Variants in CTDSP2 observed in about 807,000 individuals in gnomAD.
CTDSP2 encodes CTD small phosphatase 2.
Under a neutral mutation model 31.6 loss-of-function variants are expected in CTDSP2, and 9 were observed. That is an observed-to-expected ratio of 0.28 (90% CI 0.17 to 0.50). The LOEUF (loss-of-function observed/expected upper bound fraction) is 0.50. Ranked by LOEUF, CTDSP2 falls within the 20% of genes least tolerant of loss-of-function variation. The pLI is 0.98. For missense variants in CTDSP2, 267 were observed against 348.5 expected, an observed-to-expected ratio of 0.77 and a Z score of 1.86; for synonymous variants, 134 against 134.5, an observed-to-expected ratio of 1.00 and a Z score of 0.03.
intron 1 of CTDSP2, among the ~76,000 whole-genome samples, chr12:57,845,079 A>C (rs1956306181): frequency 6.6e-6 from 1 of 152,104 alleles, no homozygotes; most frequent in South Asian, 2.1e-4. Flanking sequence ...GGGGCGCACG[A>C]GGCCCCGAAG....
chr12:57,824,822 G>C (rs751772248), intron 5 of CTDSP2: 2 of 373,724 alleles, frequency 5.4e-6, no homozygotes, highest in Non-Finnish European at 1.1e-5. Flanking sequence ...ACCCTGCCGA[G>C]TCTTGCTCTG....
chr12:57,831,342 A>T lies in CTDSP2; in HGVS notation c.65-1746T>A, dbSNP rs1355851044. On this transcript the variant is annotated intron_variant, in intron 1 of 7. Coordinates refer to ENST00000398073, the MANE Select transcript of CTDSP2 (RefSeq NM_005730.4). ...GTGGCACGCGCTTGTAATCCCAGCC[A>T]CTTGGGAGGCTGAGGCAGGAGAACT... Among the ~76,000 whole-genome samples, 6 of 151,804 alleles carry T rather than the reference A, an allele frequency of 4.0e-5. No homozygotes were observed. The East Asian group carries it at 9.8e-4, about 25-fold the overall frequency.
intron 5 of CTDSP2, 62 bp downstream of exon 5, chr12:57,826,284 A>G: frequency 6.8e-7 from 1 of 1,472,196 alleles, no homozygotes; most frequent in Non-Finnish European, 9.5e-7. Flanking sequence ...ACCCCAGTAC[A>G]GGTGAGGCAG....
At chr12:57,835,530 A>G (rs746226597) in intron 1 of CTDSP2, among the ~76,000 whole-genome samples, 2 of 152,184 alleles carry the variant, frequency 1.3e-5, no homozygotes, top group Non-Finnish European at 2.9e-5. Flanking sequence ...ATGTAGCCCA[A>G]CTACGAGCTG....
chr12:57,845,734 G>C (rs1253666709), intron 1 of CTDSP2, among the ~76,000 whole-genome samples: 1 of 152,116 alleles, frequency 6.6e-6, no homozygotes, highest in African/African-American at 2.4e-5. Context: ...GCAGCCGGGA[G>C]GGAGCCCGAC....
rs549470608 is a variant in CTDSP2 at position 57,836,420 on chromosome 12, G to A, written c.65-6824C>T. Among the ~76,000 whole-genome samples the A allele has an allele frequency of 3.5e-4, 53 of 152,284 alleles. 1 individual carries two copies. The highest frequency in any genetic ancestry group is 1.2e-3 in the Admixed American group (18 of 15,284). ...CAAGCCTGTAATCCCAGCACTTTGG[G>A]AAGCTGGGCCGGTTGGATCACTGCA... On this transcript the variant is annotated intron_variant, in intron 1 of 7. Coordinates refer to ENST00000398073, the MANE Select transcript of CTDSP2 (RefSeq NM_005730.4).
Position 57,824,084 on chromosome 12 carries a change from G to A in CTDSP2, c.510C>T (p.Ala170=), listed in dbSNP as rs761335371. 13 of 1,613,736 alleles carry A rather than the reference G, an allele frequency of 8.1e-6. No individual in the cohort carries two copies. Among genetic ancestry groups the A allele is most frequent in the South Asian group, 4.4e-5 (4 of 91,060 alleles). ...VLFTASLAKY[A]DPVTDLLDRC... ...GGTCCAGCAGGTCTGTCACAGGGTC[G>A]GCATACTAGGAGGAGAGAAGATGCC... Residue 170 remains alanine, a synonymous_variant, in exon 7 of 8, where the codon GCC becomes GCT. Transcript: ENST00000398073.
At chr12:57,841,685 C>T (rs1296197079) in intron 1 of CTDSP2, among the ~76,000 whole-genome samples, 1 of 152,158 alleles carries the variant, frequency 6.6e-6, no homozygotes, top group Non-Finnish European at 1.5e-5. Flanking sequence ...CCCAAGCCCC[C>T]ACAATCAGTG....
intron 1 of CTDSP2, among the ~76,000 whole-genome samples, chr12:57,834,478 C>T (rs1293637233): frequency 6.6e-6 from 1 of 152,210 alleles, no homozygotes; most frequent in Non-Finnish European, 1.5e-5. Context: ...ACCCCCACCC[C>T]TGCCTGCACC....
chr12:57,827,270 T>TC (rs1956188784), intron 3 of CTDSP2, 173 bp from the exon 4 acceptor site: 1 of 634,666 alleles, frequency 1.6e-6, no homozygotes, highest in Admixed American at 2.6e-5. Context: ...GGTTTCAGCC[T>TC]CCCAGTGGGA....
chr12:57,824,160 G>A, intron 6 of CTDSP2, 67 bp downstream of exon 6: 1 of 1,609,282 alleles, frequency 6.2e-7, no homozygotes, highest in Non-Finnish European at 8.5e-7. Flanking sequence ...GGACCAAAAG[G>A]GAGCTGCTGG....
rs996672450 is a variant in CTDSP2, at chr12:57,823,271, A to G, written c.*331T>C. The G allele has an allele frequency of 2.0e-5, 7 of 348,648 alleles. No individual in the cohort carries two copies. The Admixed American group carries it at 2.3e-4, about 12-fold the overall frequency. 21.6% of individuals were successfully genotyped at this position (348,648 alleles called of 1,614,324 possible). A position where few individuals can be genotyped will look rare whatever the true frequency, so the allele number is the denominator to read the frequency against. On this transcript the variant is annotated 3_prime_UTR_variant, in exon 8 of 8. Transcript: ENST00000398073. ...AGGGTGACAGGAGAGGAGACAAGCT[A>G]ACTTGGGAAGAGTCTTGGTCTTTCA...
At chr12:57,839,164 C>T (rs1956265892) in intron 1 of CTDSP2, among the ~76,000 whole-genome samples, 1 of 152,186 alleles carries the variant, frequency 6.6e-6, no homozygotes, top group East Asian at 1.9e-4. Context: ...CTGCTGCTCC[C>T]CCCACACCCC....
chr12:57,827,219 C>A, intron 3 of CTDSP2, 122 bp from the exon 4 acceptor site: 1 of 698,988 alleles, frequency 1.4e-6, no homozygotes, highest in Non-Finnish European at 2.5e-6. Flanking sequence ...GGATAGGCAC[C>A]ACTTAAAGGC....
At chr12:57,834,119 G>A (rs1185459133) in intron 1 of CTDSP2, among the ~76,000 whole-genome samples, 1 of 152,106 alleles carries the variant, frequency 6.6e-6, no homozygotes, top group Non-Finnish European at 1.5e-5. Context: ...ATTTACTTAT[G>A]CAACAAATGG....
chr12:57,824,111 T>C, intron 6 of CTDSP2, 22 bp from the exon 7 acceptor site: 1 of 1,613,216 alleles, frequency 6.2e-7, no homozygotes, highest in Non-Finnish European at 8.5e-7. Flanking sequence ...GAAGATGCCT[T>C]AGTTTGGATA....
chr12:57,824,380 G>T, intron 5 of CTDSP2, 61 bp from the exon 6 acceptor site: 1 of 1,222,878 alleles, frequency 8.2e-7, no homozygotes, highest in Non-Finnish European at 1.2e-6. Context: ...GCAGTACTGG[G>T]TACCTTCACC....
chr12:57,830,504 GGAA>G (rs1956209445), intron 1 of CTDSP2, among the ~76,000 whole-genome samples: 2 of 152,128 alleles, frequency 1.3e-5, no homozygotes, highest in South Asian at 4.1e-4. Context: ...CCAGCCCCAA[GGAA>G]GAAACTACAC....
In CTDSP2 at chr12:57,829,445, T is replaced by C. The variant is rs940842752; in HGVS notation, c.213+3A>G. On this transcript the variant is annotated splice_donor_region_variant and intron_variant, in intron 2 of 7. Coordinates refer to ENST00000398073, the MANE Select transcript of CTDSP2 (RefSeq NM_005730.4). ...TGGCATCTTACCACCCCAACCCACC[T>C]ACCTTAGCAATGGTGTTTGCTTCCT... 6 of 1,612,910 alleles carry C rather than the reference T, an allele frequency of 3.7e-6. No homozygotes were observed. The Admixed American group carries it at 5.0e-5, about 13-fold the overall frequency.
Sources: allele counts gnomAD v4.1 joint callset (sites outside exome capture counted in the v4.1 genomes callset), GRCh38; gene constraint gnomAD v4.1.1; transcripts MANE v1.5; gene names NCBI Gene and HGNC (gene_info 2026-07-23, HGNC 2026-07-21).